The following SEMA4B variants were observed in gnomAD, a reference collection of about 807,000 sequenced individuals.
The protein encoded by SEMA4B is semaphorin 4B, also known as semaphorin-4B.
Under a neutral mutation model 88.1 loss-of-function variants are expected in SEMA4B, and 55 were observed. The observed-to-expected ratio is 0.62, with a 90% CI of 0.50 to 0.78. SEMA4B has a LOEUF of 0.78. SEMA4B is among the 30% of genes least tolerant of loss of function. The probability of loss-of-function intolerance (pLI) is 0.00; values close to 1 mark genes in which losing one functional copy is unlikely to be tolerated. For synonymous variants in SEMA4B, 525 were observed against 473.6 expected (o/e 1.11, Z -1.41); for missense variants, 1,062 against 1,111.9 (o/e 0.96, Z 0.64).
intron 1 of SEMA4B, among the ~76,000 whole-genome samples, chr15:90,215,229 T>TG (rs1468825414): frequency 6.6e-6 from 1 of 151,410 alleles, no homozygotes; most frequent in African/African-American, 2.4e-5. Flanking sequence ...TTTCTTTTTT[T>TG]TTTTCTTTGA....
rs1382852593 is a variant in SEMA4B at position 90,221,473 on chromosome 15, G to T, written c.702G>T (p.Trp234Cys). Residue 234 changes from tryptophan to cysteine, a missense_variant, in exon 6 of 14, where the codon TGG (tryptophan) becomes TGT (cysteine). Coordinates refer to ENST00000411539, the MANE Select transcript of SEMA4B (RefSeq NM_198925.4). Reference protein sequence around the residue: ...RPTKTESSLNWLQDPAFVASA... With the variant: ...RPTKTESSLNCLQDPAFVASA... ...CCAAGACCGAGAGCTCCCTCAACTG[G>T]CTGCAAGGTGAAGTCCTCTTGCCAC... 2 of 1,596,366 alleles carry T rather than the reference G, an allele frequency of 1.3e-6. No individual in the cohort carries two copies. Among genetic ancestry groups the T allele is most frequent in the Non-Finnish European group, 1.7e-6 (2 of 1,171,710 alleles).
intron 3 of SEMA4B, among the ~76,000 whole-genome samples, chr15:90,218,656 T>C (rs908746396): frequency 3.9e-5 from 6 of 151,962 alleles, no homozygotes; most frequent in Non-Finnish European, 8.8e-5. Context: ...CTACTAAAAA[T>C]ACAAAAAACA....
chr15:90,188,723 A>G (rs954493506), intron 1 of SEMA4B, among the ~76,000 whole-genome samples: 1 of 151,860 alleles, frequency 6.6e-6, no homozygotes, highest in Non-Finnish European at 1.5e-5. Flanking sequence ...CTCTGGGTGC[A>G]GTGGCGCTAT....
At chr15:90,221,198 A>G in intron 5 of SEMA4B, 105 bp downstream of exon 5, 1 of 1,118,356 alleles carries the variant, frequency 8.9e-7, no homozygotes, top group South Asian at 1.3e-5. Context: ...CTTATTTCCA[A>G]GGGGACAGAA....
At chr15:90,204,250 C>T (rs1455772921) in intron 1 of SEMA4B, among the ~76,000 whole-genome samples, 1 of 152,200 alleles carries the variant, frequency 6.6e-6, no homozygotes, top group Non-Finnish European at 1.5e-5. Flanking sequence ...TTACACACCC[C>T]TCTTTCCTCC....
In SEMA4B at chr15:90,225,382, C is replaced by G. The variant is rs148540973; in HGVS notation, c.1506C>G (p.Leu502=). The part of the protein sequence containing the change: ...FSSGQPVQNL[L]LDTHRGLLYA... The stretch of plus-strand genomic sequence containing the variant: ...CGGGACAGCCCGTGCAGAATCTGCT[C>G]CTGGACACCCACAGGGTGAGCAGGC... Residue 502 remains leucine (L), a synonymous_variant, in exon 11 of 14, where the codon CTC becomes CTG. Transcript: ENST00000411539. 1.3e-6 allele frequency: 2 copies of G among 1,551,412 alleles called. No individual in the cohort carries two copies. Among genetic ancestry groups the G allele is most frequent in the Admixed American group, 2.0e-5 (1 of 51,112 alleles).
chr15:90,217,287 T>C, intron 1 of SEMA4B, 152 bp from the exon 2 acceptor site: 1 of 658,072 alleles, frequency 1.5e-6, no homozygotes, highest in Non-Finnish European at 2.6e-6. Flanking sequence ...TGCTCGCCCA[T>C]CAAACCTGAT....
intron 9 of SEMA4B, 61 bp from the exon 10 acceptor site, chr15:90,224,907 C>G: frequency 7.1e-7 from 1 of 1,408,540 alleles, no homozygotes; most frequent in South Asian, 1.2e-5. Flanking sequence ...GGAAGCAGGG[C>G]CCGCATCCTG....
intron 1 of SEMA4B, among the ~76,000 whole-genome samples, chr15:90,203,669 T>C (rs1263332496): frequency 6.6e-6 from 1 of 152,204 alleles, no homozygotes; most frequent in African/African-American, 2.4e-5. Context: ...CGCACCAGCA[T>C]TCACCTGTCA....
rs931008172 is a variant in SEMA4B at position 90,201,815 on chromosome 15, C to G, written c.157+80C>G. 3 of 1,317,460 alleles carry G rather than the reference C, an allele frequency of 2.3e-6. No individual in the cohort carries two copies. In the African/African-American group the frequency reaches 4.7e-5, roughly 20 times the overall value. 81.6% of individuals were successfully genotyped at this position (1,317,460 alleles called of 1,614,324 possible). A position where few individuals can be genotyped will look rare whatever the true frequency, so the allele number is the denominator to read the frequency against. ...GTGCCTCGTGCGGAGGTGGCCGTGA[C>G]AAAGGACCAAGGAGGGGACCTGTCG... On this transcript the variant is annotated intron_variant, in intron 1 of 13. Transcript: ENST00000411539.
At chr15:90,198,924 G>A (rs962598663), upstream of SEMA4B, among the ~76,000 whole-genome samples, 7 of 152,304 alleles carry the variant, frequency 4.6e-5, no homozygotes, top group African/African-American at 1.7e-4. Context: ...CTGGAGTGCA[G>A]TAGCACAATC....
At position 90,201,343 on chromosome 15, in the gene SEMA4B, C is replaced by T; in HGVS notation, c.-236C>T. 8.2e-7 allele frequency: 1 copy of T among 1,222,808 alleles called. No homozygotes were observed. Among genetic ancestry groups the T allele is most frequent in the South Asian group, 3.3e-5 (1 of 30,760 alleles). The allele number at this position is 1,222,808 out of a possible 1,614,324, so 75.7% of individuals were successfully genotyped here. ...CCGCCCTCCGCCGCTTGCGGGTGAG[C>T]TCTGCCCAAGCCGAGGCTGCGGGGC... On this transcript the variant is annotated 5_prime_UTR_variant, in exon 1 of 14. Transcript: ENST00000411539.
At chr15:90,219,571 C>A (rs1961699460) in intron 3 of SEMA4B, 2 of 533,308 alleles carry the variant, frequency 3.8e-6, no homozygotes, top group Admixed American at 7.1e-5. Context: ...GTTTGCCAGT[C>A]ACAAAACTAG....
At chr15:90,222,222 G>T (rs1372009200) in intron 7 of SEMA4B, among the ~76,000 whole-genome samples, 1 of 147,720 alleles carries the variant, frequency 6.8e-6, no homozygotes. Flanking sequence ...TTACAGGCAT[G>T]AGCCACTGCA....
At position 90,229,009 on chromosome 15, in the gene SEMA4B, C is replaced by T. The variant is rs1658111708; in HGVS notation, c.*366C>T. On this transcript the variant is annotated 3_prime_UTR_variant, in exon 14 of 14. Transcript: ENST00000411539. ...ACACGGCTGCTCCAGTTCATGGCCT[C>T]CCAGGGGTGCTGGGGATGCATCCAA... 2 of 376,198 alleles carry T rather than the reference C, an allele frequency of 5.3e-6. No homozygotes were observed. The highest frequency in any genetic ancestry group is 5.1e-6 in the Non-Finnish European group (1 of 196,924). The allele number at this position is 376,198 out of a possible 1,614,324, so 23.3% of individuals were successfully genotyped here. A position where few individuals can be genotyped will look rare whatever the true frequency, so the allele number is the denominator to read the frequency against.
At chr15:90,199,607 A>C (rs12909176), upstream of SEMA4B, among the ~76,000 whole-genome samples, 30,985 of 151,938 alleles carry the variant, frequency 0.2, 4,130 homozygotes, top group African/African-American at 0.38. Context: ...CAGGTGGATC[A>C]CGAGGTCAGG....
In SEMA4B at chr15:90,221,317, G is replaced by C. The variant is rs768172412; in HGVS notation, c.596-50G>C. On this transcript the variant is annotated intron_variant, in intron 5 of 13. Transcript: ENST00000411539. ...GGTCACTCTGGGCCCTGAGCAGGGA[G>C]AAGGGGCCGTGCTGAGGAGCCCATT... 2.8e-6 allele frequency: 4 copies of C among 1,446,586 alleles called. No individual in the cohort carries two copies. In the South Asian group the frequency reaches 4.9e-5, roughly 18 times the overall value. The allele number at this position is 1,446,586 out of a possible 1,614,324, so 89.6% of individuals were successfully genotyped here.
intron 3 of SEMA4B, chr15:90,219,569 G>T (rs1054795610): frequency 1.9e-6 from 1 of 534,416 alleles, no homozygotes; most frequent in Non-Finnish European, 3.3e-6. Context: ...AAGTTTGCCA[G>T]TCACAAAACT....
At chr15:90,209,557 A>C (rs1567050621) in intron 1 of SEMA4B, among the ~76,000 whole-genome samples, 2 of 152,076 alleles carry the variant, frequency 1.3e-5, no homozygotes, top group African/African-American at 4.8e-5. Context: ...GCGACAGAGC[A>C]AGACTGTCTT....
Sources: gnomAD v4.1 joint callset for allele counts (sites outside exome capture counted in the v4.1 genomes callset) on GRCh38, gnomAD v4.1.1 for gene constraint, MANE v1.5 for transcripts, NCBI Gene and HGNC (gene_info 2026-07-23, HGNC 2026-07-21) for gene names.